KHDRBS2: variants seen among roughly 807,000 people sequenced by gnomAD.
The protein encoded by KHDRBS2 is KH domain-containing, RNA-binding, signal transduction-associated protein 2.
KHDRBS2 carries 26 observed loss-of-function variants against 44.3 expected under a neutral mutation model. The observed-to-expected ratio is 0.59, with a 90% CI of 0.43 to 0.81. KHDRBS2 has a LOEUF of 0.81. Among genes scored for constraint, KHDRBS2 ranks in the 40% least tolerant of loss-of-function variants. KHDRBS2 has a pLI of 0.00. For missense variants in KHDRBS2, 476 were observed against 433.1 expected (o/e 1.10, Z -0.88); for synonymous variants, 194 against 151.1 (o/e 1.28, Z -2.08).
intron 6 of KHDRBS2, among the ~76,000 whole-genome samples, chr6:61,763,712 T>C (rs1179033952): frequency 2.0e-5 from 3 of 152,232 alleles, no homozygotes; most frequent in Non-Finnish European, 4.4e-5. Flanking sequence ...CTTGCCACTT[T>C]AGACTTATGT....
Position 61,779,295 on chromosome 6 carries a change from G to A in KHDRBS2, c.811-46531C>T, listed in dbSNP as rs80007645. ...AACTCAGAAATATCCTCCCATTGGGGCCATAAAAAATAACCCATGGAGTTT... is the reference window on the plus strand; with the variant it reads ...AACTCAGAAATATCCTCCCATTGGGACCATAAAAAATAACCCATGGAGTTT... On this transcript the variant is annotated intron_variant, in intron 6 of 8. Coordinates refer to ENST00000281156, the MANE Select transcript of KHDRBS2 (RefSeq NM_152688.4). 4.4e-3 allele frequency among the ~76,000 whole-genome samples: 664 copies of A among 152,076 alleles called. 2 individuals are homozygous for A. The highest frequency in any genetic ancestry group is 7.6e-3 in the Non-Finnish European group (515 of 68,006).
At chr6:62,116,319 C>G (rs754833480) in intron 2 of KHDRBS2, among the ~76,000 whole-genome samples, 3 of 152,110 alleles carry the variant, frequency 2.0e-5, no homozygotes, top group Non-Finnish European at 2.9e-5. Context: ...CTAACTGCAA[C>G]TTGGTCCTCT....
At chr6:62,247,883 A>AT (rs201239915) in intron 1 of KHDRBS2, among the ~76,000 whole-genome samples, 4,280 of 152,202 alleles carry the variant, frequency 0.028, 75 homozygotes, top group Non-Finnish European at 0.045. Flanking sequence ...GAATATCTCC[A>AT]TTTTTTAAAA....
At chr6:61,574,519 C>T in the KHDRBS2 span, 5 of 704,352 alleles carry the variant, frequency 7.1e-6, no homozygotes, top group Non-Finnish European at 8.9e-6. Context: ...GGGGCGACCT[C>T]GGAGTATAAC....
intron 2 of KHDRBS2, among the ~76,000 whole-genome samples, chr6:62,133,934 G>T (rs936599469): frequency 6.6e-6 from 1 of 152,138 alleles, no homozygotes; most frequent in Non-Finnish European, 1.5e-5. Flanking sequence ...TGACTTGGGC[G>T]CTGTAAAAAG....
intron 6 of KHDRBS2, among the ~76,000 whole-genome samples, chr6:61,804,229 A>G (rs918601052): frequency 6.6e-6 from 1 of 152,170 alleles, no homozygotes; most frequent in African/African-American, 2.4e-5. Context: ...GAAATCCAAC[A>G]AGGCAGTAAT....
chr6:61,620,799 G>A, the KHDRBS2 span, among the ~76,000 whole-genome samples: 2 of 152,212 alleles, frequency 1.3e-5, no homozygotes, highest in African/African-American at 2.4e-5. Flanking sequence ...CAATGCAGGA[G>A]TTTGCTGATT....
chr6:62,089,746 TATTC>T (rs1799142558), intron 2 of KHDRBS2, among the ~76,000 whole-genome samples: 1 of 152,190 alleles, frequency 6.6e-6, no homozygotes, highest in African/African-American at 2.4e-5. Context: ...GTCTTATAAT[TATTC>T]ATTAAGACAC....
intron 6 of KHDRBS2, among the ~76,000 whole-genome samples, chr6:61,866,400 G>C (rs1457176691): frequency 6.6e-6 from 1 of 152,188 alleles, no homozygotes; most frequent in Non-Finnish European, 1.5e-5. Context: ...TTTCAGCCAT[G>C]GTTGGAGCAG....
chr6:61,899,739 C>CG (rs1554263666), intron 5 of KHDRBS2, among the ~76,000 whole-genome samples: 2 of 140,234 alleles, frequency 1.4e-5, no homozygotes, highest in Admixed American at 7.3e-5. Flanking sequence ...TAATGCCCCC[C>CG]CCCCGCATTT....
chr6:62,192,357 T>C (rs1333822449), intron 1 of KHDRBS2, among the ~76,000 whole-genome samples: 1 of 152,110 alleles, frequency 6.6e-6, no homozygotes, highest in Non-Finnish European at 1.5e-5. Flanking sequence ...AAAGATATCT[T>C]GAAATTTACT....
At chr6:61,946,857 G>A (rs958677259) in intron 4 of KHDRBS2, among the ~76,000 whole-genome samples, 1 of 152,218 alleles carries the variant, frequency 6.6e-6, no homozygotes, top group East Asian at 1.9e-4. Flanking sequence ...ATCTGCTATT[G>A]CCTTTCACTG....
chr6:61,594,141 A>C, the KHDRBS2 span, among the ~76,000 whole-genome samples: 2 of 152,140 alleles, frequency 1.3e-5, no homozygotes, highest in Admixed American at 6.5e-5. Flanking sequence ...AATTTTACTC[A>C]CAAAAGTATG....
At chr6:61,973,090 C>A (rs1771775381) in intron 4 of KHDRBS2, among the ~76,000 whole-genome samples, 1 of 152,132 alleles carries the variant, frequency 6.6e-6, no homozygotes, top group Non-Finnish European at 1.5e-5. Flanking sequence ...GCTGAGATCA[C>A]ACCACTGCAT....
chr6:62,044,710 A>G (rs748984791), intron 3 of KHDRBS2, among the ~76,000 whole-genome samples: 1 of 152,028 alleles, frequency 6.6e-6, no homozygotes, highest in Non-Finnish European at 1.5e-5. Flanking sequence ...GGAGCCCCTC[A>G]TGTGGCTTCA....
chr6:62,213,861 G>C (rs564910505), intron 1 of KHDRBS2, among the ~76,000 whole-genome samples: 1 of 88,994 alleles, frequency 1.1e-5, no homozygotes, highest in African/African-American at 4.9e-5. Context: ...GTGACAGAGC[G>C]AGACTCCATC....
chr6:61,549,135 G>C, the KHDRBS2 span, among the ~76,000 whole-genome samples: 1 of 152,130 alleles, frequency 6.6e-6, no homozygotes, highest in African/African-American at 2.4e-5. Flanking sequence ...ACAATAGGGA[G>C]ATTAAGGAGG....
chr6:61,544,420 TA>T, the KHDRBS2 span, among the ~76,000 whole-genome samples: 1 of 152,210 alleles, frequency 6.6e-6, no homozygotes, highest in African/African-American at 2.4e-5. Flanking sequence ...AAATCATTTT[TA>T]AAAATTTTCA....
At chr6:61,695,216 C>T (rs897392302) in intron 8 of KHDRBS2, among the ~76,000 whole-genome samples, 5 of 113,988 alleles carry the variant, frequency 4.4e-5, no homozygotes, top group Non-Finnish European at 7.9e-5. Flanking sequence ...GCTCCCACCT[C>T]CTGACAAAAC....
Sources: allele counts gnomAD v4.1 joint callset (sites outside exome capture counted in the v4.1 genomes callset), GRCh38; gene constraint gnomAD v4.1.1; transcripts MANE v1.5; gene names NCBI Gene and HGNC (gene_info 2026-07-23, HGNC 2026-07-21).